Variants in IFT52 observed in about 807,000 individuals in gnomAD.
IFT52 encodes intraflagellar transport protein 52 homolog.
In IFT52, 44 loss-of-function variants were observed where a neutral mutation model predicts 54.4. The observed-to-expected ratio is 0.81, with a 90% CI of 0.63 to 1.04. The LOEUF (loss-of-function observed/expected upper bound fraction) is 1.04, where lower values mean the gene tolerates loss of function less well. Ranked by LOEUF, IFT52 falls within the 50% of genes least tolerant of loss-of-function variation. IFT52 has a pLI of 0.00. For missense variants in IFT52, 452 were observed against 523.6 expected, an observed-to-expected ratio of 0.86 and a Z score of 1.33; for synonymous variants, 181 against 185.3, an observed-to-expected ratio of 0.98 and a Z score of 0.19.
chr20:43,643,167 AAAAAAAC>A (rs1337973647), intron 13 of IFT52, among the ~76,000 whole-genome samples: 3 of 149,566 alleles, frequency 2.0e-5, no homozygotes, highest in Non-Finnish European at 4.5e-5. Context: ...TCTGTCTCAA[AAAAAAAC>A]AAAAAAACAA....
At chr20:43,641,655 G>A (rs1358575831) in intron 12 of IFT52, among the ~76,000 whole-genome samples, 3 of 151,390 alleles carry the variant, frequency 2.0e-5, no homozygotes, top group East Asian at 1.9e-4. Flanking sequence ...CACCATGCCC[G>A]GCTAATTTTT....
At chr20:43,625,773 A>T (rs1424770634) in intron 10 of IFT52, among the ~76,000 whole-genome samples, 1 of 152,000 alleles carries the variant, frequency 6.6e-6, no homozygotes, top group East Asian at 1.9e-4. Flanking sequence ...CTCTGTAAGG[A>T]CTTCCTTGGC....
intron 7 of IFT52, chr20:43,618,105 G>A (rs1173790074): frequency 6.6e-6 from 1 of 151,816 alleles, no homozygotes; most frequent in Non-Finnish European, 1.5e-5. Context: ...GTACCCATAG[G>A]TATCTTTAAT....
intron 3 of IFT52, among the ~76,000 whole-genome samples, chr20:43,600,378 C>T (rs1012356110): frequency 1.3e-5 from 2 of 151,348 alleles, no homozygotes; most frequent in Non-Finnish European, 2.9e-5. Context: ...GATCTCAGCT[C>T]ACTGCAAGCT....
intron 3 of IFT52, among the ~76,000 whole-genome samples, chr20:43,597,890 C>A (rs1053293639): frequency 8.1e-3 from 823 of 101,792 alleles, no homozygotes; most frequent in Middle Eastern, 0.016. Context: ...GAGACTCTTT[C>A]AAAAAAAAAA....
chr20:43,596,733 CT>C (rs1568707678), intron 3 of IFT52, among the ~76,000 whole-genome samples: 2 of 130,338 alleles, frequency 1.5e-5, no homozygotes, highest in East Asian at 4.6e-4. Context: ...ATTAGCCACA[CT>C]TCTTTTTTTT....
chr20:43,614,156 T>C (rs1371286591), intron 7 of IFT52, among the ~76,000 whole-genome samples, 180 bp downstream of exon 7: 1 of 152,190 alleles, frequency 6.6e-6, no homozygotes, highest in Non-Finnish European at 1.5e-5. Flanking sequence ...TGTCCAGTAA[T>C]TGATGAAGTT....
At chr20:43,625,635 C>T (rs557776622) in intron 10 of IFT52, among the ~76,000 whole-genome samples, 193 of 152,238 alleles carry the variant, frequency 1.3e-3, no homozygotes, top group African/African-American at 4.4e-3. Context: ...GAGGAAACAG[C>T]CAGTCCTAAG....
chr20:43,601,050 T>A (rs770264761), intron 3 of IFT52, among the ~76,000 whole-genome samples: 6 of 152,186 alleles, frequency 3.9e-5, no homozygotes, highest in Non-Finnish European at 7.3e-5. Flanking sequence ...TCCGTGACTA[T>A]CTGAGAAGAT....
intron 3 of IFT52, among the ~76,000 whole-genome samples, chr20:43,597,455 T>C (rs984596191): frequency 1.3e-5 from 2 of 151,836 alleles, no homozygotes; most frequent in Non-Finnish European, 2.9e-5. Context: ...TAAAGAATGA[T>C]AAATGTAAGG....
chr20:43,602,436 A>G (rs1007840539), intron 3 of IFT52, among the ~76,000 whole-genome samples: 1 of 151,144 alleles, frequency 6.6e-6, no homozygotes, highest in Non-Finnish European at 1.5e-5. Context: ...TGTTGGGATT[A>G]CAGGCATGAG....
chr20:43,593,421 A>G, intron 1 of IFT52, among the ~76,000 whole-genome samples: 1 of 152,236 alleles, frequency 6.6e-6, no homozygotes, highest in Non-Finnish European at 1.5e-5. Context: ...AATCTCTACA[A>G]ATATGCAAAT....
rs940752319 is a variant in IFT52 at position 43,622,647 on chromosome 20, T to G, written c.769-1244T>G. On this transcript the variant is annotated intron_variant, in intron 9 of 13. Transcript: ENST00000373030. ...ACATATATATATTCTATATTTATAT[T>G]TATATATATTTTATATGTAAATATA... is the stretch of plus-strand genomic sequence containing the variant. 1.5e-4 allele frequency among the ~76,000 whole-genome samples: 22 copies of G among 147,294 alleles called. 1 individual carries two copies. Among genetic ancestry groups the G allele is most frequent in the African/African-American group, 5.4e-4 (22 of 40,578 alleles).
rs776449925 is a variant in IFT52, at chr20:43,620,816, T to A, written c.700-41T>A. On this transcript the variant is annotated intron_variant, in intron 8 of 13. Transcript: ENST00000373030. ...AGTCCTGACCTTCAGCTTTTTCAAA[T>A]AACCAACTGTCCTAATTATATACTT... is the stretch of plus-strand genomic sequence containing the variant. 1.7e-5 allele frequency: 24 copies of A among 1,441,256 alleles called. No individual in the cohort carries two copies. In the South Asian group the frequency reaches 2.8e-4, roughly 17 times the overall value. 89.3% of individuals were successfully genotyped at this position (1,441,256 alleles called of 1,614,324 possible).
At chr20:43,598,350 G>T (rs1353687413) in intron 3 of IFT52, among the ~76,000 whole-genome samples, 1 of 152,166 alleles carries the variant, frequency 6.6e-6, no homozygotes, top group African/African-American at 2.4e-5. Flanking sequence ...AGTTTTGCAA[G>T]ATGAAAACAG....
chr20:43,632,995 C>CATTT (rs112968956), intron 10 of IFT52, among the ~76,000 whole-genome samples: 5,535 of 152,222 alleles, frequency 0.036, 339 homozygotes, highest in African/African-American at 0.12. Context: ...TATAACAACA[C>CATTT]ATTTTGTCTC....
chr20:43,595,119 G>A (rs1981834299), intron 2 of IFT52, among the ~76,000 whole-genome samples: 2 of 151,604 alleles, frequency 1.3e-5, no homozygotes, highest in Non-Finnish European at 2.9e-5. Context: ...TTCGAGACAA[G>A]CCTGGACAAG....
Position 43,614,063 on chromosome 20 carries a change from T to C in IFT52, c.612+87T>C, listed in dbSNP as rs1026508857. 110 of 1,228,192 alleles carry C rather than the reference T, an allele frequency of 9.0e-5. 2 individuals are homozygous for C. Among genetic ancestry groups the C allele is most frequent in the South Asian group, 6.9e-4 (51 of 73,424 alleles). The allele number at this position is 1,228,192 out of a possible 1,614,324, so 76.1% of individuals were successfully genotyped here. A position where few individuals can be genotyped will look rare whatever the true frequency, so the allele number is the denominator to read the frequency against. ...CCTTACCATTTCCAGAAGGCTTCTATATGTTTTCTCACTGGTCTTCCTGCC... is the reference window on the plus strand; with the variant it reads ...CCTTACCATTTCCAGAAGGCTTCTACATGTTTTCTCACTGGTCTTCCTGCC... On this transcript the variant is annotated intron_variant, in intron 7 of 13. Transcript: ENST00000373030.
At chr20:43,626,673 AT>A (rs1263528429) in intron 10 of IFT52, among the ~76,000 whole-genome samples, 2 of 151,476 alleles carry the variant, frequency 1.3e-5, no homozygotes, top group African/African-American at 4.8e-5. Context: ...TTTAATTAGC[AT>A]TTTTTTTCTT....
Sources: allele counts gnomAD v4.1 joint callset (sites outside exome capture counted in the v4.1 genomes callset), GRCh38; gene constraint gnomAD v4.1.1; transcripts MANE v1.5; gene names NCBI Gene and HGNC (gene_info 2026-07-23, HGNC 2026-07-21).